TRIB2: variants seen among roughly 807,000 people sequenced by gnomAD.
TRIB2 encodes tribbles homolog 2.
A neutral mutation model predicts 26.8 loss-of-function variants in TRIB2; 2 were observed. That is an observed-to-expected ratio of 0.07 (90% confidence interval 0.03 to 0.24). TRIB2 has a LOEUF of 0.24. Ranked by LOEUF, TRIB2 falls within the 10% of genes least tolerant of loss-of-function variation. The pLI, the probability that TRIB2 is intolerant of heterozygous loss-of-function variation, is 1.00. For synonymous variants in TRIB2, 189 were observed against 187.3 expected (o/e 1.01, Z -0.08); for missense variants, 306 against 449.0 (o/e 0.68, Z 2.88).
At position 12,723,432 on chromosome 2, in the gene TRIB2, G is replaced by A; in HGVS notation, c.443G>A (p.Arg148Lys). Residue 148 changes from arginine to lysine, a missense_variant, in exon 2 of 3, where the codon AGA becomes AAA. Physicochemically the swap from Arg to Lys is conservative, Grantham distance 26 (BLOSUM62 2). This residue lies in a region of TRIB2 where 118 missense variants were observed against 188.8 expected (regional missense o/e 0.63). Coordinates refer to ENST00000155926, the MANE Select transcript of TRIB2 (RefSeq NM_021643.4). Reference sequence around the variant, plus strand: ...TTCGTCCGCACCTGCAAGAAGCTGAGAGAGGAGGAGGCAGCCAGACTGTTC... The same window carrying A: ...TTCGTCCGCACCTGCAAGAAGCTGAAAGAGGAGGAGGCAGCCAGACTGTTC... ...HSFVRTCKKLREEEAARLFYQ... is the reference protein window; with the variant it reads ...HSFVRTCKKLKEEEAARLFYQ... 1.2e-6 allele frequency: 2 copies of A among 1,614,232 alleles called. No homozygotes were observed. Among genetic ancestry groups the A allele is most frequent in the Non-Finnish European group, 1.7e-6 (2 of 1,180,042 alleles).
chr2:12,735,722 G>T (rs1007172833), intron 2 of TRIB2, among the ~76,000 whole-genome samples: 1 of 152,144 alleles, frequency 6.6e-6, no homozygotes, highest in Admixed American at 6.5e-5. Context: ...CCAGGTCTCT[G>T]TGGCCTCAGG....
intron 2 of TRIB2, among the ~76,000 whole-genome samples, chr2:12,733,072 C>T (rs1452327350): frequency 5.5e-5 from 8 of 144,994 alleles, no homozygotes; most frequent in African/African-American, 1.5e-4. Context: ...TTGGAAAATA[C>T]GGCATGATTT....
At chr2:12,724,044 G>A (rs1001890901) in intron 2 of TRIB2, among the ~76,000 whole-genome samples, 2 of 152,188 alleles carry the variant, frequency 1.3e-5, no homozygotes, top group Non-Finnish European at 2.9e-5. Flanking sequence ...ACCTATAAAG[G>A]AAATGCTACC....
At chr2:12,736,221 C>T (rs1308160078) in intron 2 of TRIB2, among the ~76,000 whole-genome samples, 3 of 152,182 alleles carry the variant, frequency 2.0e-5, no homozygotes, top group East Asian at 3.9e-4. Context: ...TGAGCTGACA[C>T]AGTCGGGGAA....
In TRIB2 at chr2:12,740,104, C is replaced by T. The variant is rs1558321177; in HGVS notation, c.564-222C>T. On this transcript the variant is annotated intron_variant, in intron 2 of 2. Coordinates refer to ENST00000155926, the MANE Select transcript of TRIB2 (RefSeq NM_021643.4). This position sits in a 1 kb window ranked among gnomAD's most constrained non-coding sequence, Gnocchi z 5.8. ...TGGATTATCAGCTGCATGAAAAGACCTTGTCAGTCTTGTTCACCCATGTGG... is the reference window on the plus strand; with the variant it reads ...TGGATTATCAGCTGCATGAAAAGACTTTGTCAGTCTTGTTCACCCATGTGG... Among the ~76,000 whole-genome samples, 1 of 152,138 alleles carries T rather than the reference C, an allele frequency of 6.6e-6. No homozygotes were observed. The highest frequency in any genetic ancestry group is 1.5e-5 in the Non-Finnish European group (1 of 68,046).
rs145543992 is a variant in TRIB2 at position 12,723,562 on chromosome 2, A to C, written c.563+10A>C. The stretch of plus-strand genomic sequence containing the variant: ...TTAAGGACGAAGAGAGGTAGGTCTC[A>C]TCCTGTCCAGACCTGGGTACTGTGA... On this transcript the variant is annotated intron_variant, in intron 2 of 2. Coordinates refer to ENST00000155926, the MANE Select transcript of TRIB2 (RefSeq NM_021643.4). 2 of 1,611,844 alleles carry C rather than the reference A, an allele frequency of 1.2e-6. No homozygotes were observed. The highest frequency in any genetic ancestry group is 1.7e-6 in the Non-Finnish European group (2 of 1,178,886).
rs1402240085 is a variant in TRIB2, at chr2:12,717,334, G to T, written c.-974G>T. 1.0e-5 allele frequency: 4 copies of T among 398,394 alleles called. No homozygotes were observed. The highest frequency in any genetic ancestry group is 7.1e-5 in the East Asian group (2 of 28,054). The allele number at this position is 398,394 out of a possible 1,614,324, so 24.7% of individuals were successfully genotyped here. A position where few individuals can be genotyped will look rare whatever the true frequency, so the allele number is the denominator to read the frequency against. Reference sequence around the variant, plus strand: ...CCAGGGACGCAGCTCCCCTTGCAGCGCCCGCAGGACCCCCGCAAGCTCGTG... The same window carrying T: ...CCAGGGACGCAGCTCCCCTTGCAGCTCCCGCAGGACCCCCGCAAGCTCGTG... On this transcript the variant is annotated 5_prime_UTR_variant, in exon 1 of 3. Coordinates refer to ENST00000155926, the MANE Select transcript of TRIB2 (RefSeq NM_021643.4). The surrounding 1 kb of genome is among the most constrained non-coding windows in gnomAD (Gnocchi z 4.8).
Position 12,717,220 on chromosome 2 carries a change from G to T in TRIB2, c.-1088G>T, listed in dbSNP as rs1289816631. On this transcript the variant is annotated 5_prime_UTR_variant, in exon 1 of 3. In the 5' UTR this introduces an upstream ATG that the reference lacks. Coordinates refer to ENST00000155926, the MANE Select transcript of TRIB2 (RefSeq NM_021643.4). This position sits in a 1 kb window ranked among gnomAD's most constrained non-coding sequence, Gnocchi z 4.8. Reference sequence around the variant, plus strand: ...CACCGGGCAATTTGGTCTCGGGGTAGGGGGAGACGGGGTGATTGCAAATTA... The same window carrying T: ...CACCGGGCAATTTGGTCTCGGGGTATGGGGAGACGGGGTGATTGCAAATTA... The T allele has an allele frequency of 5.0e-6, 2 of 396,696 alleles. No homozygotes were observed. The highest frequency in any genetic ancestry group is 8.9e-6 in the Non-Finnish European group (2 of 225,376). 24.6% of individuals were successfully genotyped at this position (396,696 alleles called of 1,614,324 possible).
chr2:12,740,808 G>A lies in TRIB2; in HGVS notation c.*14G>A, dbSNP rs201543065. On this transcript the variant is annotated 3_prime_UTR_variant, in exon 3 of 3. Transcript: ENST00000155926. The surrounding 1 kb of genome is among the most constrained non-coding windows in gnomAD (Gnocchi z 5.8). Reference sequence around the variant, plus strand: ...TTCTTTAACTGAGCTCATGCCCCACGGAGACTTAGCAGGTTCCAGGAGTGA... The same window carrying A: ...TTCTTTAACTGAGCTCATGCCCCACAGAGACTTAGCAGGTTCCAGGAGTGA... 203 of 1,608,464 alleles carry A rather than the reference G, an allele frequency of 1.3e-4. No homozygotes were observed. The highest frequency in any genetic ancestry group is 1.6e-4 in the Non-Finnish European group (190 of 1,176,450).
chr2:12,723,702 A>T, intron 2 of TRIB2, 150 bp downstream of exon 2: 1 of 928,368 alleles, frequency 1.1e-6, no homozygotes, highest in Non-Finnish European at 1.6e-6. Context: ...TGAATATTGC[A>T]ATTTTCAAGT....
rs1016413795 is a variant in TRIB2 at position 12,740,048 on chromosome 2, C to T, written c.564-278C>T. ...GGTGATGATGATGTGATTCATGGTT[C>T]GCTAAGGTGCTCAAGGTTTGAGCTC... On this transcript the variant is annotated intron_variant, in intron 2 of 2. Transcript: ENST00000155926. This position sits in a 1 kb window ranked among gnomAD's most constrained non-coding sequence, Gnocchi z 5.8. Among the ~76,000 whole-genome samples the T allele has an allele frequency of 3.3e-5, 5 of 152,092 alleles. No homozygotes were observed. Among genetic ancestry groups the T allele is most frequent in the Non-Finnish European group, 7.4e-5 (5 of 68,014 alleles).
intron 1 of TRIB2, among the ~76,000 whole-genome samples, chr2:12,719,258 C>T (rs902946396): frequency 2.0e-5 from 3 of 152,094 alleles, no homozygotes; most frequent in African/African-American, 7.2e-5. Flanking sequence ...GTCTGCTCAT[C>T]CCCTCTCTTC....
intron 2 of TRIB2, 38 bp downstream of exon 2, chr2:12,723,590 G>A: frequency 6.3e-7 from 1 of 1,587,002 alleles, no homozygotes; most frequent in Non-Finnish European, 8.6e-7. Context: ...TACTGTGATG[G>A]ACTGCTCCTA....
chr2:12,740,659 G>A lies in TRIB2; in HGVS notation c.897G>A (p.Ser299=), dbSNP rs201441619. 2.5e-5 allele frequency: 40 copies of A among 1,614,154 alleles called. No individual in the cohort carries two copies. The highest frequency in any genetic ancestry group is 2.0e-4 in the South Asian group (18 of 91,080). ...GGGAGCCCTCAGAGCGGCTGACCTC[G>A]CAGGAAATTCTGGACCATCCTTGGT... The part of the protein sequence containing the change: ...LRREPSERLT[S]QEILDHPWFS... The change falls in exon 3 of 3, where the codon TCG becomes TCA. Residue 299 remains serine (S), a synonymous_variant. Transcript: ENST00000155926. The surrounding 1 kb of genome is among the most constrained non-coding windows in gnomAD (Gnocchi z 5.8).
intron 2 of TRIB2, among the ~76,000 whole-genome samples, chr2:12,724,270 G>C (rs986155465): frequency 7.9e-5 from 12 of 152,224 alleles, no homozygotes; most frequent in African/African-American, 2.9e-4. Flanking sequence ...CAGAGGTCTT[G>C]GTTATTGGAG....
rs554920402 is a variant in TRIB2, at chr2:12,730,682, C to G, written c.563+7130C>G. 6.6e-4 allele frequency among the ~76,000 whole-genome samples: 100 copies of G among 152,288 alleles called. 1 individual carries two copies. The highest frequency in any genetic ancestry group is 2.3e-3 in the African/African-American group (96 of 41,552). On this transcript the variant is annotated intron_variant, in intron 2 of 2. Coordinates refer to ENST00000155926, the MANE Select transcript of TRIB2 (RefSeq NM_021643.4). ...CTTTTTCTATCCTCCATGCCTAGCA[C>G]TGGACTTAGCAGTACTTAGGAATGT...
intron 2 of TRIB2, among the ~76,000 whole-genome samples, chr2:12,730,138 A>G (rs896590919): frequency 3.9e-5 from 6 of 152,212 alleles, no homozygotes; most frequent in African/African-American, 7.2e-5. Context: ...CTACATTTCA[A>G]TGAAATAATA....
chr2:12,725,458 G>A (rs991528491), intron 2 of TRIB2, among the ~76,000 whole-genome samples: 1 of 152,198 alleles, frequency 6.6e-6, no homozygotes, highest in African/African-American at 2.4e-5. Context: ...AGCTAGCTAG[G>A]AGCCAGTGAA....
chr2:12,740,251 C>G lies in TRIB2; in HGVS notation c.564-75C>G, dbSNP rs938360386. 4.4e-6 allele frequency: 6 copies of G among 1,360,390 alleles called. No homozygotes were observed. The highest frequency in any genetic ancestry group is 6.2e-6 in the Non-Finnish European group (6 of 975,268). 84.3% of individuals were successfully genotyped at this position (1,360,390 alleles called of 1,614,324 possible). A position where few individuals can be genotyped will look rare whatever the true frequency, so the allele number is the denominator to read the frequency against. On this transcript the variant is annotated intron_variant, in intron 2 of 2. Coordinates refer to ENST00000155926, the MANE Select transcript of TRIB2 (RefSeq NM_021643.4). The surrounding 1 kb of genome is among the most constrained non-coding windows in gnomAD (Gnocchi z 5.8). Reference sequence around the variant, plus strand: ...GAGGAGTCTTCAGAAACACTATAGTCGGTTATGTTATGATGCTGGTGGTAA... The same window carrying G: ...GAGGAGTCTTCAGAAACACTATAGTGGGTTATGTTATGATGCTGGTGGTAA...
Sources: allele counts gnomAD v4.1 joint callset (sites outside exome capture counted in the v4.1 genomes callset), GRCh38; gene constraint gnomAD v4.1.1; regional missense constraint gnomAD v4.1.1; non-coding constraint Gnocchi (gnomAD v3.1); transcripts MANE v1.5; gene names NCBI Gene and HGNC (gene_info 2026-07-23, HGNC 2026-07-21).